Variants in SLIT1 observed in about 807,000 individuals in gnomAD.
SLIT1 encodes the protein slit guidance ligand 1, also known as slit homolog 1 protein.
SLIT1 carries 66 observed loss-of-function variants against 186.1 expected under a neutral mutation model. The ratio of observed to expected loss-of-function variants is 0.35; its 90% CI spans 0.29 to 0.44. SLIT1 has a LOEUF of 0.44. Ranked by LOEUF, SLIT1 falls within the 20% of genes least tolerant of loss-of-function variation. The pLI is 1.00. For missense variants in SLIT1, 1,638 were observed against 2,037.4 expected (o/e 0.80, Z 3.77); for synonymous variants, 761 against 833.8 (o/e 0.91, Z 1.50).
At chr10:97,024,303 T>G (rs1033107690) in intron 25 of SLIT1, among the ~76,000 whole-genome samples, 13 of 152,200 alleles carry the variant, frequency 8.5e-5, no homozygotes, top group African/African-American at 2.9e-4. Context: ...GAACAAGACC[T>G]GGACTCCGGC....
At chr10:97,025,297 C>T (rs551468663) in intron 25 of SLIT1, among the ~76,000 whole-genome samples, 1 of 149,766 alleles carries the variant, frequency 6.7e-6, no homozygotes, top group South Asian at 2.3e-4. Flanking sequence ...AAAACAAAAA[C>T]AAAAAAACAA....
rs187969114 is a variant in SLIT1, at chr10:97,140,596, G to A, written c.413+17222C>T. Among the ~76,000 whole-genome samples, 34 of 152,198 alleles carry A rather than the reference G, an allele frequency of 2.2e-4. No individual in the cohort carries two copies. The East Asian group carries it at 6.4e-3, about 29-fold the overall frequency. ...TAACCCTTCCCTGCTTGGCCTCCGCGATCGGCCGACAGAAGGGCCTTTGTT... is the reference window on the plus strand; with the variant it reads ...TAACCCTTCCCTGCTTGGCCTCCGCAATCGGCCGACAGAAGGGCCTTTGTT... On this transcript the variant is annotated intron_variant, in intron 4 of 36. Transcript: ENST00000266058.
intron 4 of SLIT1, among the ~76,000 whole-genome samples, chr10:97,099,690 T>C (rs1849331065): frequency 6.6e-6 from 1 of 152,152 alleles, no homozygotes; most frequent in Non-Finnish European, 1.5e-5. Context: ...TCCAGCTTGA[T>C]GGTCCCCTGC....
intron 24 of SLIT1, 85 bp downstream of exon 24, chr10:97,031,521 A>T (rs1725102420): frequency 1.0e-5 from 11 of 1,070,580 alleles, no homozygotes; most frequent in Middle Eastern, 2.0e-4. Flanking sequence ...GGCCCTAGAC[A>T]TGGGAACATT....
intron 4 of SLIT1, among the ~76,000 whole-genome samples, chr10:97,142,650 C>T (rs146202187): frequency 3.3e-5 from 5 of 152,152 alleles, no homozygotes; most frequent in African/African-American, 1.2e-4. Context: ...CCATGTTTGT[C>T]AAAGGACACA....
At chr10:97,155,421 A>C (rs1849936761) in intron 4 of SLIT1, 1 of 152,274 alleles carries the variant, frequency 6.6e-6, no homozygotes, top group Admixed American at 6.5e-5. Flanking sequence ...ACTCGAGTAA[A>C]GGAGGGAGGG....
At chr10:97,049,629 G>A (rs1439251140) in intron 13 of SLIT1, among the ~76,000 whole-genome samples, 5 of 152,222 alleles carry the variant, frequency 3.3e-5, no homozygotes, top group Non-Finnish European at 7.3e-5. Context: ...GTAGCAGCCT[G>A]TCTCCTATAG....
intron 1 of SLIT1, among the ~76,000 whole-genome samples, chr10:97,173,892 C>A (rs914797908): frequency 2.6e-5 from 4 of 152,168 alleles, no homozygotes; most frequent in Non-Finnish European, 5.9e-5. Flanking sequence ...CCTGCCTTGG[C>A]CCAGGGGGTA....
intron 4 of SLIT1, among the ~76,000 whole-genome samples, chr10:97,109,837 C>T (rs34113615): frequency 0.11 from 16,969 of 152,206 alleles, 1,026 homozygotes; most frequent in Middle Eastern, 0.18. Context: ...TGGGTGCAAG[C>T]TGAGCCAGCG....
At chr10:97,100,439 C>T (rs1849339122) in intron 4 of SLIT1, among the ~76,000 whole-genome samples, 1 of 152,084 alleles carries the variant, frequency 6.6e-6, no homozygotes, top group Non-Finnish European at 1.5e-5. Flanking sequence ...GCCTGGCCAA[C>T]ATGGTGAAAC....
intron 22 of SLIT1, among the ~76,000 whole-genome samples, chr10:97,037,489 C>T (rs1848651392): frequency 6.6e-6 from 1 of 152,112 alleles, no homozygotes; most frequent in African/African-American, 2.4e-5. Flanking sequence ...GCAGGTCCAA[C>T]CCAACATGGC....
At chr10:97,084,954 C>T (rs1393325880) in intron 4 of SLIT1, among the ~76,000 whole-genome samples, 1 of 131,296 alleles carries the variant, frequency 7.6e-6, no homozygotes. Flanking sequence ...AACAGAGTCT[C>T]ACTCTGTCGC....
At position 97,018,624 on chromosome 10, in the gene SLIT1, G is replaced by A. The variant is rs1848475007; in HGVS notation, c.2931C>T (p.Gly977=). 1 of 1,596,114 alleles carries A rather than the reference G, an allele frequency of 6.3e-7. No homozygotes were observed. The highest frequency in any genetic ancestry group is 8.5e-7 in the Non-Finnish European group (1 of 1,171,602). ...CCTCGCCCTCCTGTGCATGGCAGGTGCCCCCATTTTCACAGGGGCCACTGG... is the reference window on the plus strand; with the variant it reads ...CCTCGCCCTCCTGTGCATGGCAGGTACCCCCATTTTCACAGGGGCCACTGG... ...SCSSGPCENG[G]TCHAQEGEDA... is the part of the protein sequence containing the mutation. The change falls in exon 28 of 37, where the codon GGC becomes GGT. Residue 977 remains glycine (G), a synonymous_variant. Transcript: ENST00000266058.
At chr10:97,048,538 A>G (rs1040429168) in intron 14 of SLIT1, among the ~76,000 whole-genome samples, 1 of 152,188 alleles carries the variant, frequency 6.6e-6, no homozygotes, top group Non-Finnish European at 1.5e-5. Context: ...GACCTTCAGC[A>G]AGCCTTGCTT....
chr10:97,134,749 T>C (rs1009545416), intron 4 of SLIT1, among the ~76,000 whole-genome samples: 7 of 152,212 alleles, frequency 4.6e-5, no homozygotes, highest in African/African-American at 1.7e-4. Context: ...CTTTTGCCTG[T>C]GGAAGTGACA....
At position 96,998,377 on chromosome 10, in the gene SLIT1, C is replaced by T. The variant is rs756353786; in HGVS notation, c.*2735G>A. ...AGGCAAAGAGGAGACAAAGTCCAGC[C>T]TTTTCCACTTCCTGACACCTTCACC... is the stretch of plus-strand genomic sequence containing the variant. On this transcript the variant is annotated 3_prime_UTR_variant, in exon 37 of 37. Coordinates refer to ENST00000266058, the MANE Select transcript of SLIT1 (RefSeq NM_003061.3). 1.3e-5 allele frequency: 2 copies of T among 152,276 alleles called. No homozygotes were observed. Among genetic ancestry groups the T allele is most frequent in the Non-Finnish European group, 2.9e-5 (2 of 68,076 alleles). 9.4% of individuals were successfully genotyped at this position (152,276 alleles called of 1,614,324 possible).
chr10:97,000,943 C>CA lies in SLIT1; in HGVS notation c.*168dup. On this transcript the variant is annotated 3_prime_UTR_variant, in exon 37 of 37. Transcript: ENST00000266058. ...ACCCCCGCTGCCCCCAGCTATGGCG[C>CA]AATTTGCTTTTAAAAGGCTGCTCTG... The CA allele has an allele frequency of 4.9e-6, 3 of 609,388 alleles. No individual in the cohort carries two copies. The South Asian group carries it at 6.0e-5, about 12-fold the overall frequency. 37.7% of individuals were successfully genotyped at this position (609,388 alleles called of 1,614,324 possible).
chr10:97,046,285 C>T (rs568687330), intron 18 of SLIT1, among the ~76,000 whole-genome samples: 2 of 152,292 alleles, frequency 1.3e-5, no homozygotes, highest in East Asian at 3.9e-4. Context: ...TCTACACCCA[C>T]TGAATCACCT....
chr10:97,076,343 G>C (rs1295096326), intron 4 of SLIT1, among the ~76,000 whole-genome samples: 1 of 152,172 alleles, frequency 6.6e-6, no homozygotes, highest in Non-Finnish European at 1.5e-5. Context: ...CTGCAGGATG[G>C]CTTGGCAGGA....
Sources: allele counts gnomAD v4.1 joint callset (sites outside exome capture counted in the v4.1 genomes callset), GRCh38; gene constraint gnomAD v4.1.1; transcripts MANE v1.5; gene names NCBI Gene and HGNC (gene_info 2026-07-23, HGNC 2026-07-21).